BLOC1S2: variants seen among roughly 807,000 people sequenced by gnomAD.
BLOC1S2 encodes biogenesis of lysosome-related organelles complex 1 subunit 2.
BLOC1S2 carries 12 observed loss-of-function variants against 19.6 expected under a neutral mutation model. That is an observed-to-expected ratio of 0.61 (90% CI 0.39 to 0.99). BLOC1S2 has a LOEUF of 0.99. Ranked by LOEUF, BLOC1S2 falls within the 50% of genes least tolerant of loss-of-function variation. The pLI is 0.00. For missense variants in BLOC1S2, 142 were observed against 171.0 expected (o/e 0.83, Z 0.95); for synonymous variants, 66 against 64.1 (o/e 1.03, Z -0.14).
At position 100,286,097 on chromosome 10, in the gene BLOC1S2, C is replaced by T; in HGVS notation, c.172G>A (p.Ala58Thr). ...MATYLTGELT[A>T]TSEDYKLLEN... is the part of the protein sequence containing the mutation. ...CGAATCAACCCAGACCCCGCCTCAC[C>T]CGTCAGTTCCCCAGTCAGGTAAGTG... is the stretch of plus-strand genomic sequence containing the variant. The change falls in exon 2 of 5, where the codon GCC (alanine) becomes ACC (threonine). Residue 58 changes from alanine to threonine, a missense_variant and splice_region_variant. Physicochemically the swap from Ala to Thr is moderately conservative, Grantham distance 58. This residue lies in a region of BLOC1S2 where 94 missense variants were observed against 141.3 expected (regional missense o/e 0.67). Transcript: ENST00000370372. 6.2e-7 allele frequency: 1 copy of T among 1,613,840 alleles called. No homozygotes were observed. Among genetic ancestry groups the T allele is most frequent in the Non-Finnish European group, 8.5e-7 (1 of 1,179,880 alleles).
chr10:100,283,454 G>A (rs768308186), intron 2 of BLOC1S2, among the ~76,000 whole-genome samples: 19 of 152,122 alleles, frequency 1.2e-4, no homozygotes, highest in Non-Finnish European at 2.4e-4. Flanking sequence ...AGGATTACAG[G>A]CATGAGCCAC....
intron 4 of BLOC1S2, among the ~76,000 whole-genome samples, chr10:100,277,333 G>T (rs1305156654): frequency 6.6e-6 from 1 of 151,830 alleles, no homozygotes; most frequent in Non-Finnish European, 1.5e-5. Flanking sequence ...GAGGGAGGTG[G>T]GGGTCAGCCC....
At chr10:100,281,103 A>G in intron 2 of BLOC1S2, 50 bp from the exon 3 acceptor site, 1 of 1,599,548 alleles carries the variant, frequency 6.3e-7, no homozygotes, top group Non-Finnish European at 8.5e-7. Context: ...GTCTTAAATC[A>G]TTAGAATGTG....
At position 100,286,661 on chromosome 10, in the gene BLOC1S2, G is replaced by T. The variant is rs778386384; in HGVS notation, c.-2C>A. On this transcript the variant is annotated 5_prime_UTR_variant, in exon 1 of 5. Transcript: ENST00000370372. The stretch of plus-strand genomic sequence containing the variant: ...TACGCCCTCGGCTGCCGCCGCCATA[G>T]CGGACCCCGCGCTGTTTCCGGGCCG... 1.2e-6 allele frequency: 2 copies of T among 1,610,154 alleles called. No individual in the cohort carries two copies. The highest frequency in any genetic ancestry group is 2.2e-5 in the East Asian group (1 of 44,782).
At chr10:100,280,089 C>T in intron 4 of BLOC1S2, 35 bp downstream of exon 4, 6 of 1,535,856 alleles carry the variant, frequency 3.9e-6, no homozygotes, top group Non-Finnish European at 5.4e-6. Flanking sequence ...AAGAAGCAGT[C>T]TTTATTACAT....
intron 4 of BLOC1S2, among the ~76,000 whole-genome samples, chr10:100,276,653 C>T (rs374695540): frequency 1.3e-5 from 2 of 150,192 alleles, no homozygotes; most frequent in South Asian, 2.1e-4. Context: ...AGGCGCGCGC[C>T]GCCACGCCTG....
At chr10:100,280,889 G>A (rs1848085439) in intron 3 of BLOC1S2, 45 bp downstream of exon 3, 2 of 1,565,684 alleles carry the variant, frequency 1.3e-6, no homozygotes. Flanking sequence ...AAGCACAAAA[G>A]AACATTAAAT....
chr10:100,277,053 G>A (rs1403658396), intron 4 of BLOC1S2, among the ~76,000 whole-genome samples: 5 of 151,266 alleles, frequency 3.3e-5, no homozygotes, highest in African/African-American at 9.7e-5. Flanking sequence ...CACCTGGGAA[G>A]TGAGGAGCGC....
chr10:100,279,030 C>T (rs199664232), intron 4 of BLOC1S2, among the ~76,000 whole-genome samples: 23 of 151,894 alleles, frequency 1.5e-4, no homozygotes, highest in South Asian at 1.5e-3. Context: ...AAGGCTACAG[C>T]GAGCTATGAT....
At chr10:100,277,836 G>A (rs1400633786) in intron 4 of BLOC1S2, among the ~76,000 whole-genome samples, 9 of 134,708 alleles carry the variant, frequency 6.7e-5, no homozygotes, top group Middle Eastern at 5.0e-3. Flanking sequence ...GGGAGGTGGG[G>A]GAGTCAGCCC....
At position 100,275,345 on chromosome 10, in the gene BLOC1S2, G is replaced by A. The variant is rs1356771002; in HGVS notation, c.*117C>T. On this transcript the variant is annotated 3_prime_UTR_variant, in exon 5 of 5. Transcript: ENST00000370372. Reference sequence around the variant, plus strand: ...TCGAACGTTGAGATGTTCCTGTGATGACCAGCATAATTTCCTTTTGAGGAA... The same window carrying A: ...TCGAACGTTGAGATGTTCCTGTGATAACCAGCATAATTTCCTTTTGAGGAA... 3.8e-6 allele frequency: 4 copies of A among 1,061,872 alleles called. No homozygotes were observed. The highest frequency in any genetic ancestry group is 4.3e-5 in the Admixed American group (2 of 46,614). The allele number at this position is 1,061,872 out of a possible 1,614,324, so 65.8% of individuals were successfully genotyped here. A position where few individuals can be genotyped will look rare whatever the true frequency, so the allele number is the denominator to read the frequency against.
At chr10:100,276,231 G>A (rs1042040642) in intron 4 of BLOC1S2, among the ~76,000 whole-genome samples, 4 of 152,110 alleles carry the variant, frequency 2.6e-5, no homozygotes, top group Admixed American at 1.3e-4. Flanking sequence ...GTCAGCCCTT[G>A]TTAAATGATG....
intron 4 of BLOC1S2, among the ~76,000 whole-genome samples, chr10:100,277,445 C>A (rs1466278629): frequency 7.0e-6 from 1 of 143,700 alleles, no homozygotes; most frequent in African/African-American, 2.6e-5. Flanking sequence ...CCACCCCGTC[C>A]GGGAGGGAGG....
At chr10:100,277,373 GT>G (rs1847922902) in intron 4 of BLOC1S2, among the ~76,000 whole-genome samples, 3 of 151,032 alleles carry the variant, frequency 2.0e-5, no homozygotes, top group African/African-American at 4.8e-5. Context: ...CGTCCGGGAG[GT>G]GAGGGGCGCC....
chr10:100,278,827 T>C (rs1307472724), intron 4 of BLOC1S2, among the ~76,000 whole-genome samples: 1 of 146,758 alleles, frequency 6.8e-6, no homozygotes, highest in African/African-American at 2.5e-5. Flanking sequence ...AAAAAAGGCC[T>C]GTGATTCCAG....
chr10:100,277,860 C>A, intron 4 of BLOC1S2, among the ~76,000 whole-genome samples: 1 of 133,634 alleles, frequency 7.5e-6, no homozygotes, highest in Non-Finnish European at 1.6e-5. Flanking sequence ...GCCCGGCCAG[C>A]CGCCCCGTCC....
rs1848230193 is a variant in BLOC1S2, at chr10:100,286,157, T to C, written c.112A>G (p.Thr38Ala). 1 of 1,613,984 alleles carries C rather than the reference T, an allele frequency of 6.2e-7. No individual in the cohort carries two copies. The highest frequency in any genetic ancestry group is 1.1e-5 in the South Asian group (1 of 91,088). ...GAGAACATGTCCCGGCAGAGCTCAG[T>C]GATGTCAGCTTCAGCAGGCTCCTTT... ...EAKEPAEADI[T>A]ELCRDMFSKM... is the part of the protein sequence containing the mutation. Residue 38 changes from threonine to alanine, a missense_variant, in exon 2 of 5, where the codon ACT becomes GCT. Thr to Ala is a moderately conservative substitution (Grantham distance 58). Transcript: ENST00000370372.
chr10:100,276,287 G>C (rs1847845915), intron 4 of BLOC1S2, among the ~76,000 whole-genome samples: 2 of 142,756 alleles, frequency 1.4e-5, no homozygotes, highest in Admixed American at 7.2e-5. Context: ...AACAAACTCA[G>C]GCCCGTCTCC....
chr10:100,277,915 C>T (rs1466912791), intron 4 of BLOC1S2, among the ~76,000 whole-genome samples: 3 of 98,378 alleles, frequency 3.0e-5, no homozygotes, highest in East Asian at 3.0e-4. Flanking sequence ...CCAGCCGCCC[C>T]GTCCGGGAGG....
Sources: allele counts gnomAD v4.1 joint callset (sites outside exome capture counted in the v4.1 genomes callset), GRCh38; gene constraint gnomAD v4.1.1; regional missense constraint gnomAD v4.1.1; transcripts MANE v1.5; gene names NCBI Gene and HGNC (gene_info 2026-07-23, HGNC 2026-07-21).